The following PCDHGA1 variants were observed in gnomAD, a reference collection of about 807,000 sequenced individuals.
PCDHGA1 encodes protocadherin gamma subfamily A, 1.
PCDHGA1 carries 32 observed loss-of-function variants against 58.0 expected under a neutral mutation model. That is an observed-to-expected ratio of 0.55 (90% CI 0.42 to 0.74). The LOEUF is 0.74. Ranked by LOEUF, PCDHGA1 falls within the 30% of genes least tolerant of loss-of-function variation. The pLI, the probability that PCDHGA1 is intolerant of heterozygous loss-of-function variation, is 0.00. For synonymous variants in PCDHGA1, 498 were observed against 501.1 expected, an observed-to-expected ratio of 0.99 and a Z score of 0.08; for missense variants, 1,205 against 1,182.3, an observed-to-expected ratio of 1.02 and a Z score of -0.28.
chr5:141,478,748 A>G (rs2099474609), intron 1 of PCDHGA1: 2 of 1,525,644 alleles, frequency 1.3e-6, no homozygotes, highest in African/African-American at 1.4e-5. Context: ...GTCCCATTTC[A>G]GGGGGAAGAT....
chr5:141,495,103 C>T (rs1383918796), intron 2 of PCDHGA1, among the ~76,000 whole-genome samples: 2 of 152,132 alleles, frequency 1.3e-5, no homozygotes, highest in Non-Finnish European at 2.9e-5. Context: ...TCGCCACGAC[C>T]GGCACCTTTT....
chr5:141,425,207 G>A lies in PCDHGA1; in HGVS notation c.2422-69600G>A, dbSNP rs546494803. 1.8e-3 allele frequency among the ~76,000 whole-genome samples: 281 copies of A among 152,238 alleles called. 1 individual carries two copies. The highest frequency in any genetic ancestry group is 6.6e-3 in the African/African-American group (274 of 41,534). ...TCCAAACTGAGAAAAATGATGTAAG[G>A]CATTGTACTTTGACTGGAATTAGTT... On this transcript the variant is annotated intron_variant, in intron 1 of 3. Coordinates refer to ENST00000517417, the MANE Select transcript of PCDHGA1 (RefSeq NM_018912.3).
rs779244342 is a variant in PCDHGA1 at position 141,332,810 on chromosome 5, T to A, written c.2126T>A (p.Ile709Asn). 1.2e-6 allele frequency: 2 copies of A among 1,614,090 alleles called. No homozygotes were observed. Among genetic ancestry groups the A allele is most frequent in the South Asian group, 1.1e-5 (1 of 91,088 alleles). The change falls in exon 1 of 4, where the codon ATC becomes AAC. Residue 709 changes from isoleucine to asparagine, a missense_variant. Ile to Asn is a moderately radical substitution (Grantham distance 149). Coordinates refer to ENST00000517417, the MANE Select transcript of PCDHGA1 (RefSeq NM_018912.3). This position sits in a 1 kb window ranked among gnomAD's most constrained non-coding sequence, Gnocchi z 4.6. ...AVSCVFLAFV[I>N]VLLAHRLRRW... Reference sequence around the variant, plus strand: ...TCCTGCGTCTTCCTGGCCTTCGTCATCGTGCTGCTGGCGCACAGGCTGCGG... The same window carrying A: ...TCCTGCGTCTTCCTGGCCTTCGTCAACGTGCTGCTGGCGCACAGGCTGCGG...
chr5:141,355,220 G>C (rs753002448), intron 1 of PCDHGA1: 2 of 1,607,996 alleles, frequency 1.2e-6, no homozygotes, highest in Non-Finnish European at 1.7e-6. Context: ...CCTCCTGCTC[G>C]CCCAGACCAC....
chr5:141,376,348 C>T (rs1293667748), intron 1 of PCDHGA1: 6 of 1,614,184 alleles, frequency 3.7e-6, no homozygotes, highest in Non-Finnish European at 4.2e-6. Context: ...CCTATTCCCA[C>T]GAGGTCTCAC....
chr5:141,387,726 G>C, intron 1 of PCDHGA1: 7 of 1,198,740 alleles, frequency 5.8e-6, no homozygotes, highest in Non-Finnish European at 8.0e-6. Context: ...ACTCCCCAGC[G>C]CCAGCCTTTA....
chr5:141,366,186 T>C, intron 1 of PCDHGA1: 1 of 1,613,974 alleles, frequency 6.2e-7, no homozygotes, highest in Non-Finnish European at 8.5e-7. Context: ...CTCTTTGCGG[T>C]TGGGCTGCAC....
intron 1 of PCDHGA1, chr5:141,411,852 C>G (rs992038456): frequency 1.3e-5 from 2 of 151,222 alleles, no homozygotes; most frequent in East Asian, 1.9e-4. Context: ...AGAGTGAGAC[C>G]CTGTCTCAAA....
chr5:141,402,209 T>A (rs2094239307), intron 1 of PCDHGA1, among the ~76,000 whole-genome samples: 1 of 152,084 alleles, frequency 6.6e-6, no homozygotes, highest in Non-Finnish European at 1.5e-5. Context: ...AATACAAAAA[T>A]TTAAAATAAA....
chr5:141,453,609 G>A (rs1208329212), intron 1 of PCDHGA1, among the ~76,000 whole-genome samples: 3 of 151,900 alleles, frequency 2.0e-5, no homozygotes, highest in South Asian at 4.2e-4. Context: ...TTTGCAAAAC[G>A]CAAAAACAAA....
chr5:141,399,612 G>A (rs1191904235), intron 1 of PCDHGA1: 1 of 1,613,812 alleles, frequency 6.2e-7, no homozygotes, highest in African/African-American at 1.3e-5. Flanking sequence ...TAGAGCCTCT[G>A]GCACTGGCCT....
intron 1 of PCDHGA1, chr5:141,419,303 G>A (rs1561779463): frequency 1.2e-6 from 2 of 1,613,970 alleles, no homozygotes; most frequent in Non-Finnish European, 1.7e-6. Flanking sequence ...CCCAGACTTC[G>A]GGCTCAACGG....
At position 141,389,423 on chromosome 5, in the gene PCDHGA1, C is replaced by G. The variant is rs779826135; in HGVS notation, c.2421+56318C>G. 11 of 1,613,516 alleles carry G rather than the reference C, an allele frequency of 6.8e-6. No individual in the cohort carries two copies. The highest frequency in any genetic ancestry group is 9.3e-6 in the Non-Finnish European group (11 of 1,179,902). ...TAAGCGCGGAGAGCGGGGTGGTGTT[C>G]GCGCAGCGCGCCTTCGACCACGAGC... On this transcript the variant is annotated intron_variant, in intron 1 of 3. Coordinates refer to ENST00000517417, the MANE Select transcript of PCDHGA1 (RefSeq NM_018912.3).
intron 1 of PCDHGA1, chr5:141,382,870 C>A (rs760530453): frequency 2.0e-6 from 3 of 1,519,788 alleles, no homozygotes; most frequent in East Asian, 4.5e-5. Flanking sequence ...TTCCCGAGAT[C>A]GGCGCCTAAG....
chr5:141,353,168 G>A (rs1162754774), intron 1 of PCDHGA1, among the ~76,000 whole-genome samples: 1 of 151,906 alleles, frequency 6.6e-6, no homozygotes, highest in Non-Finnish European at 1.5e-5. Context: ...TTTACTGTTG[G>A]CATTTCTGTA....
intron 1 of PCDHGA1, among the ~76,000 whole-genome samples, chr5:141,471,163 G>GC (rs202115056): frequency 0.11 from 16,237 of 150,562 alleles, 892 homozygotes; most frequent in South Asian, 0.15. Context: ...GATTCTCCTG[G>GC]CTCAGCCTCC....
intron 2 of PCDHGA1, among the ~76,000 whole-genome samples, chr5:141,504,354 G>C (rs1349256606): frequency 6.6e-6 from 1 of 152,100 alleles, no homozygotes; most frequent in Non-Finnish European, 1.5e-5. Flanking sequence ...TGTGCTAGGT[G>C]CTTCAGTAGG....
At chr5:141,389,463 GA>G in intron 1 of PCDHGA1, 1 of 1,613,310 alleles carries the variant, frequency 6.2e-7, no homozygotes, top group Non-Finnish European at 8.5e-7. Context: ...GCGCGCCTTC[GA>G]ACTCACACTG....
At position 141,476,675 on chromosome 5, in the gene PCDHGA1, C is replaced by T. The variant is rs2099395961; in HGVS notation, c.2422-18132C>T. On this transcript the variant is annotated intron_variant, in intron 1 of 3. Transcript: ENST00000517417. The surrounding 1 kb of genome is among the most constrained non-coding windows in gnomAD (Gnocchi z 7.6). ...ATACTTTGCGCTTCGCGTGCAGACG[C>T]GGGAGGACAGCACCAAGTACGCGGA... 1.2e-6 allele frequency: 2 copies of T among 1,614,124 alleles called. No homozygotes were observed. The highest frequency in any genetic ancestry group is 8.5e-7 in the Non-Finnish European group (1 of 1,180,062).
Sources: allele counts gnomAD v4.1 joint callset (sites outside exome capture counted in the v4.1 genomes callset), GRCh38; gene constraint gnomAD v4.1.1; non-coding constraint Gnocchi (gnomAD v3.1); transcripts MANE v1.5; gene names NCBI Gene and HGNC (gene_info 2026-07-23, HGNC 2026-07-21).